Variants in CPNE7 observed in about 807,000 individuals in gnomAD.
CPNE7 encodes copine-7.
In CPNE7, 78 loss-of-function variants were observed where a neutral mutation model predicts 66.5. The ratio of observed to expected loss-of-function variants is 1.17; its 90% CI spans 0.98 to 1.42. CPNE7 has a LOEUF of 1.42. Ranked by LOEUF, CPNE7 falls within the 40% of genes most tolerant of loss-of-function variation. The probability of loss-of-function intolerance (pLI) is 0.00; values close to 1 mark genes in which losing one functional copy is unlikely to be tolerated. For missense variants in CPNE7, 1,012 were observed against 776.6 expected, an observed-to-expected ratio of 1.30 and a Z score of -3.60; for synonymous variants, 468 against 336.7, an observed-to-expected ratio of 1.39 and a Z score of -4.27.
At chr16:89,595,222 G>A (rs1430221652) in intron 13 of CPNE7, 145 bp from the exon 14 acceptor site, 1 of 639,854 alleles carries the variant, frequency 1.6e-6, no homozygotes, top group Non-Finnish European at 2.7e-6. Context: ...CGTGATGTTT[G>A]TGATGTAGGC....
In CPNE7 at chr16:89,596,661, T is replaced by C; in HGVS notation, c.*40T>C. The C allele has an allele frequency of 6.5e-7, 1 of 1,546,568 alleles. No individual in the cohort carries two copies. The highest frequency in any genetic ancestry group is 8.7e-7 in the Non-Finnish European group (1 of 1,154,334). On this transcript the variant is annotated 3_prime_UTR_variant, in exon 15 of 15. Coordinates refer to ENST00000319518, the MANE Select transcript of CPNE7 (RefSeq NM_153636.3). ...TAGGGTGGGGGCAGTGAGGAATGGG[T>C]CCGTACAGCCTCTGTCTGCAACATG...
Position 89,580,040 on chromosome 16 carries a change from C to T in CPNE7, c.357+2319C>T, listed in dbSNP as rs78953605. Among the ~76,000 whole-genome samples, 239 of 60,128 alleles carry T rather than the reference C, an allele frequency of 4.0e-3. 46 individuals carry two copies. The highest frequency in any genetic ancestry group is 9.8e-3 in the African/African-American group (227 of 23,250). The allele number at this position is 60,128 out of a possible 152,430, so 39.4% of individuals were successfully genotyped here. ...CGGAACATCCTGTCACCCGCTGACA[C>T]GGAACATCTCACCCGTCACACGGAA... On this transcript the variant is annotated intron_variant, in intron 2 of 14. Coordinates refer to ENST00000319518, the MANE Select transcript of CPNE7 (RefSeq NM_153636.3).
chr16:89,583,372 A>G (rs1226053252), intron 2 of CPNE7: 17 of 1,406,240 alleles, frequency 1.2e-5, no homozygotes, highest in Non-Finnish European at 1.7e-5. Flanking sequence ...ACACCTGTGC[A>G]GGTGCAGGCC....
intron 13 of CPNE7, among the ~76,000 whole-genome samples, chr16:89,594,727 C>T (rs1249106343): frequency 7.0e-6 from 1 of 143,558 alleles, no homozygotes; most frequent in Admixed American, 7.2e-5. Flanking sequence ...TCTCAGCTCA[C>T]TGCACCCTCT....
At chr16:89,592,810 CTTTTTT>C (rs57297283) in intron 13 of CPNE7, among the ~76,000 whole-genome samples, 1 of 106,394 alleles carries the variant, frequency 9.4e-6, no homozygotes, top group African/African-American at 3.9e-5. Context: ...TTTTTCTTTT[CTTTTTT>C]TTTTTTTTTT....
chr16:89,595,337 G>A (rs1397304767), intron 13 of CPNE7, 30 bp from the exon 14 acceptor site: 2 of 1,528,564 alleles, frequency 1.3e-6, no homozygotes, highest in African/African-American at 1.4e-5. Context: ...GGCAGGTGTG[G>A]TGTTGCTGAT....
chr16:89,588,192 C>T (rs1310342096), intron 9 of CPNE7, among the ~76,000 whole-genome samples: 1 of 31,704 alleles, frequency 3.2e-5, no homozygotes, highest in Admixed American at 3.2e-4. Flanking sequence ...AGATACACGG[C>T]CCCCGTGTCA....
At position 89,596,520 on chromosome 16, in the gene CPNE7, G is replaced by A. The variant is rs200472670; in HGVS notation, c.1576G>A (p.Glu526Lys). Residue 526 changes from glutamate to lysine, a missense_variant, in exon 15 of 15, where the codon GAG becomes AAG. Transcript: ENST00000319518. ...PAALAKCVLA[E>K]VPKQVVEYYS... ...GGCGCTGGCCAAGTGCGTGCTGGCC[G>A]AGGTCCCGAAGCAGGTGGTGGAGTA... The A allele has an allele frequency of 8.1e-5, 131 of 1,609,962 alleles. No homozygotes were observed. Among genetic ancestry groups the A allele is most frequent in the African/African-American group, 5.3e-5 (4 of 74,938 alleles).
rs764991302 is a variant in CPNE7, at chr16:89,585,731, C to T, written c.726C>T (p.Ile242=). ...DYDSRGKHDF[I]GEFSTTFEEM... Reference sequence around the variant, plus strand: ...ACTCTCGAGGAAAGCACGACTTCATCGGAGAATTCTCTACCACCTTCGAGG... The same window carrying T: ...ACTCTCGAGGAAAGCACGACTTCATTGGAGAATTCTCTACCACCTTCGAGG... Residue 242 remains isoleucine (I), a synonymous_variant, in exon 7 of 15, where the codon ATC becomes ATT. Transcript: ENST00000319518. 54 of 1,537,596 alleles carry T rather than the reference C, an allele frequency of 3.5e-5. 1 individual carries two copies. Among genetic ancestry groups the T allele is most frequent in the Middle Eastern group, 1.7e-4 (1 of 5,966 alleles).
At chr16:89,582,579 CT>C (rs1049977864) in intron 2 of CPNE7, among the ~76,000 whole-genome samples, 2 of 152,218 alleles carry the variant, frequency 1.3e-5, no homozygotes, top group African/African-American at 4.8e-5. Flanking sequence ...GAGGCTCCCC[CT>C]CCCAGCACCC....
chr16:89,585,099 C>T (rs1040444315), intron 5 of CPNE7, among the ~76,000 whole-genome samples: 1 of 152,238 alleles, frequency 6.6e-6, no homozygotes, highest in Non-Finnish European at 1.5e-5. Context: ...TTAGACCTAC[C>T]TTCCACTTCC....
chr16:89,596,912 G>A lies in CPNE7; in HGVS notation c.*291G>A, dbSNP rs1318994211. ...GGGAGCTGGGAGTTCATCCACGGGA[G>A]ACCCTGCCCCGATGAGAAGGGGCAG... is the stretch of plus-strand genomic sequence containing the variant. On this transcript the variant is annotated 3_prime_UTR_variant, in exon 15 of 15. Transcript: ENST00000319518. The A allele has an allele frequency of 6.2e-6, 2 of 324,454 alleles. No homozygotes were observed. The highest frequency in any genetic ancestry group is 1.1e-5 in the Non-Finnish European group (2 of 180,068). The allele number at this position is 324,454 out of a possible 1,614,324, so 20.1% of individuals were successfully genotyped here.
At chr16:89,595,792 C>T (rs764233531) in intron 14 of CPNE7, 189 bp downstream of exon 14, 5 of 703,864 alleles carry the variant, frequency 7.1e-6, no homozygotes, top group East Asian at 2.7e-5. Context: ...ACCTGAAACA[C>T]CCTCCACCGT....
At position 89,583,786 on chromosome 16, in the gene CPNE7, C is replaced by T. The variant is rs375428392; in HGVS notation, c.432+15C>T. ...CCACCATCACGGTGAGACCCGGGCG[C>T]ACCCCTGCAGCCTGCAGGCCCTGCT... On this transcript the variant is annotated intron_variant, in intron 3 of 14. Transcript: ENST00000319518. The T allele has an allele frequency of 6.2e-7, 1 of 1,611,844 alleles. No homozygotes were observed. Among genetic ancestry groups the T allele is most frequent in the South Asian group, 1.1e-5 (1 of 91,064 alleles).
intron 11 of CPNE7, among the ~76,000 whole-genome samples, chr16:89,590,235 C>A (rs1013284143): frequency 6.6e-6 from 1 of 152,104 alleles, no homozygotes; most frequent in Non-Finnish European, 1.5e-5. Context: ...AACAATTCAG[C>A]TAGCTTCGGC....
intron 2 of CPNE7, among the ~76,000 whole-genome samples, chr16:89,582,355 G>A (rs200615569): frequency 2.0e-5 from 3 of 152,236 alleles, no homozygotes; most frequent in Non-Finnish European, 2.9e-5. Context: ...CAGCGATCTC[G>A]TATTTCCTGG....
chr16:89,596,238 AG>A (rs145100824), intron 14 of CPNE7, among the ~76,000 whole-genome samples: 4,131 of 152,282 alleles, frequency 0.027, 201 homozygotes, highest in African/African-American at 0.095. Context: ...TGGACCATGG[AG>A]GTGGCCTCGC....
rs1432949561 is a variant in CPNE7 at position 89,596,916 on chromosome 16, C to T, written c.*295C>T. On this transcript the variant is annotated 3_prime_UTR_variant, in exon 15 of 15. Coordinates refer to ENST00000319518, the MANE Select transcript of CPNE7 (RefSeq NM_153636.3). ...GCTGGGAGTTCATCCACGGGAGACC[C>T]TGCCCCGATGAGAAGGGGCAGGGAC... 9.5e-6 allele frequency: 3 copies of T among 316,120 alleles called. No individual in the cohort carries two copies. Among genetic ancestry groups the T allele is most frequent in the Non-Finnish European group, 1.1e-5 (2 of 174,672 alleles). The allele number at this position is 316,120 out of a possible 1,614,324, so 19.6% of individuals were successfully genotyped here.
chr16:89,595,522 C>G lies in CPNE7; in HGVS notation c.1458C>G (p.Asp486Glu). 12 of 1,612,580 alleles carry G rather than the reference C, an allele frequency of 7.4e-6. No individual in the cohort carries two copies. The highest frequency in any genetic ancestry group is 1.0e-5 in the Non-Finnish European group (12 of 1,179,864). The part of the protein sequence containing the change: ...DFTDMQVLDG[D>E]DGVLRSPRGE... ...CCGACATGCAGGTCCTGGACGGCGA[C>G]GACGGCGTCCTGCGCTCCCCACGGG... The change falls in exon 14 of 15, where the codon GAC (aspartate) becomes GAG (glutamate). Residue 486 changes from aspartate (D) to glutamate (E), a missense_variant. By Grantham distance (45) the Asp-to-Glu change is conservative (BLOSUM62 2). Coordinates refer to ENST00000319518, the MANE Select transcript of CPNE7 (RefSeq NM_153636.3).
Sources: gnomAD v4.1 joint callset for allele counts (sites outside exome capture counted in the v4.1 genomes callset) on GRCh38, gnomAD v4.1.1 for gene constraint, MANE v1.5 for transcripts, NCBI Gene and HGNC (gene_info 2026-07-23, HGNC 2026-07-21) for gene names.